ASIC2: variants seen among roughly 807,000 people sequenced by gnomAD.
The protein encoded by ASIC2 is acid sensing ion channel subunit 2, also known as acid-sensing ion channel 2.
A neutral mutation model predicts 57.3 loss-of-function variants in ASIC2; 25 were observed. The observed-to-expected ratio is 0.44, with a 90% CI of 0.32 to 0.61. The LOEUF (loss-of-function observed/expected upper bound fraction) is 0.61. ASIC2 is among the 20% of genes least tolerant of loss of function. The pLI, the probability that ASIC2 is intolerant of heterozygous loss-of-function variation, is 0.06. For synonymous variants in ASIC2, 319 were observed against 307.5 expected (o/e 1.04, Z -0.39); for missense variants, 641 against 738.1 (o/e 0.87, Z 1.52).
At chr17:33,178,319 A>C (rs1176673766) in intron 1 of ASIC2, among the ~76,000 whole-genome samples, 2 of 152,228 alleles carry the variant, frequency 1.3e-5, no homozygotes, top group Non-Finnish European at 1.5e-5. Flanking sequence ...ACAAAAAAAA[A>C]TCCCTGGTTT....
chr17:33,768,661 G>C (rs1022910288), intron 1 of ASIC2, among the ~76,000 whole-genome samples: 11 of 152,184 alleles, frequency 7.2e-5, no homozygotes, highest in Non-Finnish European at 1.3e-4. Context: ...CTGTGGTCCA[G>C]AGTGAGAACT....
chr17:34,087,157 C>G (rs973832175), intron 1 of ASIC2, among the ~76,000 whole-genome samples: 1 of 151,790 alleles, frequency 6.6e-6, no homozygotes, highest in Non-Finnish European at 1.5e-5. Flanking sequence ...CATTTTGGCA[C>G]GATTTTGCAG....
chr17:33,108,507 C>T (rs2092244067), intron 2 of ASIC2, among the ~76,000 whole-genome samples: 1 of 152,186 alleles, frequency 6.6e-6, no homozygotes, highest in South Asian at 2.1e-4. Context: ...ACCAAGCAGC[C>T]ACGTGTGTCT....
intron 1 of ASIC2, among the ~76,000 whole-genome samples, chr17:34,122,286 C>T (rs1424545226): frequency 1.3e-5 from 2 of 152,164 alleles, no homozygotes; most frequent in Admixed American, 1.3e-4. Flanking sequence ...GCTCAGCACA[C>T]CCAGATAGCA....
intron 1 of ASIC2, among the ~76,000 whole-genome samples, chr17:33,192,916 A>C (rs1334924878): frequency 1.3e-5 from 2 of 152,150 alleles, no homozygotes; most frequent in Non-Finnish European, 2.9e-5. Context: ...GATTGAATGG[A>C]AAAAATACCT....
chr17:33,347,174 G>A (rs1199637311), intron 1 of ASIC2, among the ~76,000 whole-genome samples: 1 of 152,160 alleles, frequency 6.6e-6, no homozygotes, highest in African/African-American at 2.4e-5. Flanking sequence ...AGGAGGGGTG[G>A]CCTTTGAAGG....
chr17:33,832,641 G>A (rs1304995786), intron 1 of ASIC2, among the ~76,000 whole-genome samples: 5 of 152,152 alleles, frequency 3.3e-5, no homozygotes, highest in South Asian at 2.1e-4. Context: ...AGACTTTACC[G>A]CTGTCACCTG....
At chr17:33,571,148 T>C (rs1173835547) in intron 1 of ASIC2, among the ~76,000 whole-genome samples, 1 of 152,124 alleles carries the variant, frequency 6.6e-6, no homozygotes, top group Non-Finnish European at 1.5e-5. Context: ...TTCTCCACTT[T>C]AGAGATGACA....
intron 1 of ASIC2, among the ~76,000 whole-genome samples, chr17:33,658,770 C>T (rs898030960): frequency 3.3e-5 from 5 of 152,112 alleles, no homozygotes; most frequent in African/African-American, 9.7e-5. Flanking sequence ...CTGAGGTGGA[C>T]GGATCTTTTG....
intron 1 of ASIC2, among the ~76,000 whole-genome samples, chr17:33,564,512 G>A (rs1916171278): frequency 1.3e-5 from 2 of 152,224 alleles, no homozygotes; most frequent in East Asian, 1.9e-4. Flanking sequence ...GGTTTCCTGA[G>A]TTAATTATCC....
intron 1 of ASIC2, among the ~76,000 whole-genome samples, chr17:34,009,402 A>C (rs1443815463): frequency 1.3e-5 from 2 of 152,234 alleles, no homozygotes; most frequent in African/African-American, 4.8e-5. Flanking sequence ...ATGGCTGTCA[A>C]TGTAAAATAC....
chr17:34,047,479 A>T (rs1908380109), intron 1 of ASIC2, among the ~76,000 whole-genome samples: 1 of 122,858 alleles, frequency 8.1e-6, no homozygotes, highest in Non-Finnish European at 1.6e-5. Flanking sequence ...GATCTTTGCT[A>T]TTCTTAACAT....
At chr17:33,335,684 CAGA>C (rs1462772242) in intron 1 of ASIC2, among the ~76,000 whole-genome samples, 1 of 152,160 alleles carries the variant, frequency 6.6e-6, no homozygotes, top group Admixed American at 6.5e-5. Flanking sequence ...AAGTGGATGG[CAGA>C]AGCAGGTCCA....
rs1567820974 is a variant in ASIC2, at chr17:34,099,168, GAAAGAAAGAA to G, written c.555+56800_555+56809del. On this transcript the variant is annotated intron_variant, in intron 1 of 9. Transcript: ENST00000359872. ...AGACAGAGAGAGAGAGAGAGAGAAA[GAAAGAAAGAA>G]AGAAAGAAAGAAAGAAAGAAAGAAA... 1.2e-3 allele frequency among the ~76,000 whole-genome samples: 8 copies of G among 6,776 alleles called. No homozygotes were observed. The East Asian group carries it at 0.014, about 12-fold the overall frequency. The allele number at this position is 6,776 out of a possible 152,430, so 4.4% of individuals were successfully genotyped here. A position where few individuals can be genotyped will look rare whatever the true frequency, so the allele number is the denominator to read the frequency against.
intron 1 of ASIC2, among the ~76,000 whole-genome samples, chr17:33,481,246 G>T (rs1913394542): frequency 1.3e-5 from 2 of 152,090 alleles, no homozygotes; most frequent in Middle Eastern, 3.2e-3. Context: ...AGGTTACCCT[G>T]GCCATCTCTT....
chr17:33,256,557 C>T (rs1335920206), intron 1 of ASIC2, among the ~76,000 whole-genome samples: 1 of 152,182 alleles, frequency 6.6e-6, no homozygotes, highest in Non-Finnish European at 1.5e-5. Flanking sequence ...CACGGTGGCT[C>T]ACACCTGTGA....
chr17:33,845,973 G>A (rs562002835), intron 1 of ASIC2, among the ~76,000 whole-genome samples: 3 of 152,074 alleles, frequency 2.0e-5, no homozygotes, highest in African/African-American at 7.2e-5. Context: ...TATGACTTTC[G>A]TATTGGCGAG....
intron 1 of ASIC2, among the ~76,000 whole-genome samples, chr17:33,967,170 A>G (rs1905098892): frequency 6.6e-6 from 1 of 151,638 alleles, no homozygotes. Context: ...TTCAGGCAGT[A>G]CCCTCTCTTC....
chr17:33,981,472 C>G (rs190215760), intron 1 of ASIC2, among the ~76,000 whole-genome samples: 3 of 152,140 alleles, frequency 2.0e-5, no homozygotes, highest in Non-Finnish European at 4.4e-5. Context: ...ACTTAACACA[C>G]GAGGAAACTG....
Sources: gnomAD v4.1 joint callset for allele counts (sites outside exome capture counted in the v4.1 genomes callset) on GRCh38, gnomAD v4.1.1 for gene constraint, MANE v1.5 for transcripts, NCBI Gene and HGNC (gene_info 2026-07-23, HGNC 2026-07-21) for gene names.